Variants in MPST observed in about 807,000 individuals in gnomAD.
The protein encoded by MPST is mercaptopyruvate sulfurtransferase.
A neutral mutation model predicts 28.5 loss-of-function variants in MPST; 27 were observed. The observed-to-expected ratio is 0.95, with a 90% CI of 0.70 to 1.31. The LOEUF is 1.31. Ranked by LOEUF, MPST falls within the 50% of genes most tolerant of loss-of-function variation. The pLI is 0.00. For missense variants in MPST, 492 were observed against 471.1 expected (o/e 1.04, Z -0.41); for synonymous variants, 204 against 209.3 (o/e 0.97, Z 0.22).
chr22:37,024,406 A>G lies in MPST; in HGVS notation c.251A>G (p.Gln84Arg). 1 of 1,546,684 alleles carries G rather than the reference A, an allele frequency of 6.5e-7. No homozygotes were observed. Among genetic ancestry groups the G allele is most frequent in the East Asian group, 2.4e-5 (1 of 41,408 alleles). ...GGCGCCGCTTTCTTCGACATCGACC[A>G]GTGCAGCGACCGCACCTCGCCCTAC... ...IPGAAFFDIDQCSDRTSPYDH... is the reference protein window; with the variant it reads ...IPGAAFFDIDRCSDRTSPYDH... Residue 84 changes from glutamine (Q) to arginine (R), a missense_variant, in exon 2 of 3, where the codon CAG (glutamine) becomes CGG (arginine). Coordinates refer to ENST00000429360, the MANE Select transcript of MPST (RefSeq NM_021126.8).
chr22:37,022,060 TGG>T (rs1321489519), intron 1 of MPST, among the ~76,000 whole-genome samples: 1 of 152,110 alleles, frequency 6.6e-6, no homozygotes, highest in African/African-American at 2.4e-5. Flanking sequence ...GGACAGTGTT[TGG>T]GGGTGCACAG....
Position 37,029,492 on chromosome 22 carries a change from A to C in MPST, c.932A>C (p.Glu311Ala). ...GCCCGGCCCGAGGATGTCATCTCAG[A>C]GGGCCGGGGGAAGACCCACTGAAGC... ...MRARPEDVIS[E>A]GRGKTH The change falls in exon 3 of 3, where the codon GAG (glutamate) becomes GCG (alanine). Residue 311 changes from glutamate (E) to alanine (A), a missense_variant. Coordinates refer to ENST00000429360, the MANE Select transcript of MPST (RefSeq NM_021126.8). 6.2e-7 allele frequency: 1 copy of C among 1,607,120 alleles called. No individual in the cohort carries two copies. The highest frequency in any genetic ancestry group is 8.5e-7 in the Non-Finnish European group (1 of 1,176,434).
chr22:37,022,500 G>A (rs1310425265), intron 1 of MPST, among the ~76,000 whole-genome samples: 2 of 152,212 alleles, frequency 1.3e-5, no homozygotes, highest in African/African-American at 4.8e-5. Context: ...CAGACTGTGG[G>A]GGTGGGCACA....
At chr22:37,022,166 T>C (rs923088964) in intron 1 of MPST, among the ~76,000 whole-genome samples, 5 of 152,042 alleles carry the variant, frequency 3.3e-5, no homozygotes, top group African/African-American at 1.2e-4. Context: ...ACGCAGATAA[T>C]GGGGATCACC....
chr22:37,020,647 A>G (rs1323342673), intron 1 of MPST, among the ~76,000 whole-genome samples: 1 of 151,728 alleles, frequency 6.6e-6, no homozygotes, highest in Non-Finnish European at 1.5e-5. Flanking sequence ...CTGTTTCCCA[A>G]CCCTGACCTT....
intron 2 of MPST, chr22:37,025,013 A>G (rs1481610796): frequency 1.4e-6 from 2 of 1,481,356 alleles, no homozygotes; most frequent in African/African-American, 1.4e-5. Flanking sequence ...GTCTGGCTCT[A>G]CCGCCCAGGC....
chr22:37,024,528 C>T lies in MPST; in HGVS notation c.373C>T (p.Gln125Ter). 6.4e-7 allele frequency: 1 copy of T among 1,568,814 alleles called. No homozygotes were observed. ...THVVIYDASDQGLYSAPRVWW... is the reference protein window; with the variant it reads ...THVVIYDASD ...CGTCGTGATCTACGACGCCAGCGAC[C>T]AGGGCCTCTACTCCGCCCCGCGCGT... The change falls in exon 2 of 3, where the codon CAG becomes TAG. Residue 125 changes from glutamine (Q) to a stop codon, truncating the protein, a stop_gained. Transcript: ENST00000429360. LOFTEE classifies it high-confidence loss of function.
rs1484050199 is a variant in MPST at position 37,029,557 on chromosome 22, A to T, written c.*43A>T. On this transcript the variant is annotated 3_prime_UTR_variant, in exon 3 of 3. Transcript: ENST00000429360. ...GCGAGCTCAGGTGATGCCGGCCACC[A>T]GCAATGCCTGGCCTGGTAGCTCCGC... 6.5e-7 allele frequency: 1 copy of T among 1,532,772 alleles called. No individual in the cohort carries two copies. The highest frequency in any genetic ancestry group is 1.4e-5 in the African/African-American group (1 of 72,628). The allele number at this position is 1,532,772 out of a possible 1,614,324, so 94.9% of individuals were successfully genotyped here. A position where few individuals can be genotyped will look rare whatever the true frequency, so the allele number is the denominator to read the frequency against.
intron 1 of MPST, chr22:37,023,935 G>A: frequency 6.6e-7 from 1 of 1,524,898 alleles, no homozygotes. Context: ...GAGGTGAGGG[G>A]CGTGGCCTGG....
At chr22:37,023,583 A>G (rs1923232575) in intron 1 of MPST, 1 of 203,006 alleles carries the variant, frequency 4.9e-6, no homozygotes, top group African/African-American at 2.4e-5. Context: ...CACTTCTGTG[A>G]GCCTGAGTGT....
In MPST at chr22:37,029,460, C is replaced by T. The variant is rs547168654; in HGVS notation, c.900C>T (p.Tyr300=). 3 of 1,612,714 alleles carry T rather than the reference C, an allele frequency of 1.9e-6. No individual in the cohort carries two copies. The South Asian group carries it at 3.3e-5, about 18-fold the overall frequency. Residue 300 remains tyrosine, a synonymous_variant, in exon 3 of 3, where the codon TAC becomes TAT. Transcript: ENST00000429360. ...PIYDGSWVEW[Y]MRARPEDVIS... is the part of the protein sequence containing the mutation. The stretch of plus-strand genomic sequence containing the variant: ...ACGATGGCTCCTGGGTGGAGTGGTA[C>T]ATGCGCGCCCGGCCCGAGGATGTCA...
intron 1 of MPST, chr22:37,023,738 A>G (rs557059190): frequency 2.7e-6 from 3 of 1,124,010 alleles, no homozygotes; most frequent in Non-Finnish European, 3.3e-6. Flanking sequence ...AATTCCAGCT[A>G]CTGTTCCTAT....
chr22:37,029,333 TG>T lies in MPST; in HGVS notation c.775del (p.Asp259ThrfsTer21). The T allele has an allele frequency of 1.2e-6, 2 of 1,614,098 alleles. No homozygotes were observed. Among genetic ancestry groups the T allele is most frequent in the Non-Finnish European group, 1.7e-6 (2 of 1,180,022 alleles). ...EIRHLFQEKK[V>X]DLSKPLVATC... Reference sequence around the variant, plus strand: ...CGCCATCTGTTCCAGGAGAAGAAAGTGGACCTGTCTAAGCCACTGGTGGCCA... The same window carrying T: ...CGCCATCTGTTCCAGGAGAAGAAAGTGACCTGTCTAAGCCACTGGTGGCCA... On this transcript the variant is annotated frameshift_variant, in exon 3 of 3. Transcript: ENST00000429360. LOFTEE classifies it high-confidence loss of function.
intron 2 of MPST, 163 bp downstream of exon 2, chr22:37,024,973 T>C: frequency 2.0e-6 from 3 of 1,495,262 alleles, no homozygotes; most frequent in Non-Finnish European, 1.8e-6. Context: ...CCTTTCCCCC[T>C]TTTCCCTACC....
At position 37,029,762 on chromosome 22, in the gene MPST, G is replaced by A. The variant is rs182753111; in HGVS notation, c.*248G>A. 912 of 561,406 alleles carry A rather than the reference G, an allele frequency of 1.6e-3. 8 individuals carry two copies. Among genetic ancestry groups the A allele is most frequent in the African/African-American group, 0.015 (805 of 53,202 alleles). 34.8% of individuals were successfully genotyped at this position (561,406 alleles called of 1,614,324 possible). ...GCTGCCCACCTGGTGCTGAGCTGGG[G>A]CCCCGCCTCCTTTCTGTTTTATTTT... On this transcript the variant is annotated 3_prime_UTR_variant, in exon 3 of 3. Transcript: ENST00000429360.
At position 37,025,234 on chromosome 22, in the gene MPST, G is replaced by C. The variant is rs185746338; in HGVS notation, c.655+424G>C. On this transcript the variant is annotated intron_variant, in intron 2 of 2. Transcript: ENST00000429360. Reference sequence around the variant, plus strand: ...GTGCTTTGGGCAGTGACTCTCCCTAGCTCATTGGGAACCCTGGTTGCCCAA... The same window carrying C: ...GTGCTTTGGGCAGTGACTCTCCCTACCTCATTGGGAACCCTGGTTGCCCAA... 428 of 1,105,096 alleles carry C rather than the reference G, an allele frequency of 3.9e-4. No homozygotes were observed. In the African/African-American group the frequency reaches 6.4e-3, roughly 17 times the overall value. 68.5% of individuals were successfully genotyped at this position (1,105,096 alleles called of 1,614,324 possible). A position where few individuals can be genotyped will look rare whatever the true frequency, so the allele number is the denominator to read the frequency against.
chr22:37,020,057 C>G, intron 1 of MPST, 185 bp downstream of exon 1: 41 of 259,846 alleles, frequency 1.6e-4, no homozygotes, highest in East Asian at 1.8e-4. Context: ...CGGGTGGGGT[C>G]GTGGCGAGTG....
intron 1 of MPST, among the ~76,000 whole-genome samples, chr22:37,020,426 G>A (rs1186416609): frequency 6.6e-6 from 1 of 152,094 alleles, no homozygotes; most frequent in African/African-American, 2.4e-5. Flanking sequence ...TTGTTTACCT[G>A]GCTCTTCCCT....
rs780594275 is a variant in MPST, at chr22:37,024,576, G to A, written c.421G>A (p.Gly141Ser). ...PRVWWMFRAF[G>S]HHAVSLLDGG... Reference sequence around the variant, plus strand: ...CGTCTGGTGGATGTTCCGCGCCTTCGGCCACCACGCCGTGTCACTGCTTGA... The same window carrying A: ...CGTCTGGTGGATGTTCCGCGCCTTCAGCCACCACGCCGTGTCACTGCTTGA... Residue 141 changes from glycine (G) to serine (S), a missense_variant, in exon 2 of 3, where the codon GGC (glycine) becomes AGC (serine). Physicochemically the swap from Gly to Ser is moderately conservative, Grantham distance 56. Transcript: ENST00000429360. 22 of 1,588,280 alleles carry A rather than the reference G, an allele frequency of 1.4e-5. No individual in the cohort carries two copies. Among genetic ancestry groups the A allele is most frequent in the Non-Finnish European group, 1.9e-5 (22 of 1,173,796 alleles).
Sources: gnomAD v4.1 joint callset for allele counts (sites outside exome capture counted in the v4.1 genomes callset) on GRCh38, gnomAD v4.1.1 for gene constraint, MANE v1.5 for transcripts, NCBI Gene and HGNC (gene_info 2026-07-23, HGNC 2026-07-21) for gene names.